ZNF217: variants seen among roughly 807,000 people sequenced by gnomAD.
The protein encoded by ZNF217 is zinc finger protein 217.
In ZNF217, 12 loss-of-function variants were observed where a neutral mutation model predicts 73.3. The observed-to-expected ratio is 0.16, with a 90% CI of 0.10 to 0.27. The LOEUF is 0.27. Ranked by LOEUF, ZNF217 falls within the 10% of genes least tolerant of loss-of-function variation. The probability of loss-of-function intolerance (pLI) is 1.00; values close to 1 mark genes in which losing one functional copy is unlikely to be tolerated. For missense variants in ZNF217, 1,195 were observed against 1,327.8 expected (o/e 0.90, Z 1.55); for synonymous variants, 588 against 516.4 (o/e 1.14, Z -1.88).
chr20:53,569,293 T>G, intron 5 of ZNF217, 29 bp from the exon 6 acceptor site: 1 of 1,277,298 alleles, frequency 7.8e-7, no homozygotes, highest in South Asian at 1.3e-5. Flanking sequence ...TTTAAATGAT[T>G]AAGATCAAAA....
rs1259355909 is a variant in ZNF217, at chr20:53,575,960, T to C, written c.2804A>G (p.Asn935Ser). The C allele has an allele frequency of 3.1e-6, 5 of 1,614,184 alleles. No individual in the cohort carries two copies. The highest frequency in any genetic ancestry group is 4.2e-6 in the Non-Finnish European group (5 of 1,180,030). Residue 935 changes from asparagine to serine, a missense_variant, in exon 4 of 6, where the codon AAT becomes AGT. By Grantham distance (46) the Asn-to-Ser change is conservative. Transcript: ENST00000371471. ...VALDVDQPGA[N>S]YRRGYDLPKY... is the part of the protein sequence containing the mutation. ...GGGAAGGTCATAGCCTCTTCTGTAA[T>C]TGGCCCCGGGCTGGTCAACGTCAAG...
chr20:53,579,750 G>A (rs1346628628), intron 2 of ZNF217, among the ~76,000 whole-genome samples: 1 of 152,206 alleles, frequency 6.6e-6, no homozygotes, highest in Non-Finnish European at 1.5e-5. Flanking sequence ...TTTACAAATA[G>A]GCTGTTGAAA....
Position 53,576,209 on chromosome 20 carries a change from T to C in ZNF217, c.2555A>G (p.Asp852Gly), listed in dbSNP as rs767679210. The C allele has an allele frequency of 6.2e-7, 1 of 1,614,250 alleles. No homozygotes were observed. ...TTTTGTCTCGGGTCTTTTTGTCTTA[T>C]CCGGTGCAGGGGAAACACTGGTTTT... is the stretch of plus-strand genomic sequence containing the variant. ...FPKTSVSPAPDKTKRPETKLK... is the reference protein window; with the variant it reads ...FPKTSVSPAPGKTKRPETKLK... The change falls in exon 4 of 6, where the codon GAT becomes GGT. Residue 852 changes from aspartate to glycine, a missense_variant. Physicochemically the swap from Asp to Gly is moderately conservative, Grantham distance 94 (BLOSUM62 -1). Transcript: ENST00000371471.
chr20:53,592,674 C>A (rs978937194), intron 1 of ZNF217, among the ~76,000 whole-genome samples: 6 of 151,860 alleles, frequency 4.0e-5, no homozygotes, highest in Non-Finnish European at 5.9e-5. Context: ...CGGGCGGGAC[C>A]GCCCAGGCAG....
At position 53,570,032 on chromosome 20, in the gene ZNF217, T is replaced by C. The variant is rs144536143; in HGVS notation, c.*24-768A>G. Among the ~76,000 whole-genome samples the C allele has an allele frequency of 2.4e-3, 360 of 152,056 alleles. 1 individual carries two copies. The highest frequency in any genetic ancestry group is 4.5e-3 in the Non-Finnish European group (303 of 67,982). On this transcript the variant is annotated intron_variant, in intron 5 of 5. Transcript: ENST00000371471. The stretch of plus-strand genomic sequence containing the variant: ...CAGAGCAGGCAGGATGTTCTCCAGA[T>C]GAAGGAAACACAAGCAGAGAAGCTC...
intron 4 of ZNF217, chr20:53,572,683 C>G (rs977641280): frequency 6.6e-6 from 1 of 152,178 alleles, no homozygotes; most frequent in Non-Finnish European, 1.5e-5. Flanking sequence ...TGTCACCACA[C>G]AGAATCCTCA....
At position 53,575,830 on chromosome 20, in the gene ZNF217, G is replaced by A. The variant is rs138549650; in HGVS notation, c.2934C>T (p.Val978=). ...GAACAGTCAGCACATTTGGAGAATC[G>A]ACCTCGCTGGAGCTCAGGAACCTTG... ...PKPRFLSSSE[V]DSPNVLTVQK... is the part of the protein sequence containing the mutation. The change falls in exon 4 of 6, where the codon GTC becomes GTT. Residue 978 remains valine, a synonymous_variant. Coordinates refer to ENST00000371471, the MANE Select transcript of ZNF217 (RefSeq NM_006526.3). 6.3e-5 allele frequency: 102 copies of A among 1,614,030 alleles called. No homozygotes were observed. The highest frequency in any genetic ancestry group is 1.0e-4 in the Admixed American group (6 of 60,010).
chr20:53,594,452 G>C (rs1425849447), upstream of ZNF217, among the ~76,000 whole-genome samples: 3 of 149,578 alleles, frequency 2.0e-5, no homozygotes, highest in Non-Finnish European at 4.5e-5. Flanking sequence ...CCCCGCCGCC[G>C]ACTCCGCCTC....
At chr20:53,570,943 T>C (rs1222277983) in intron 5 of ZNF217, among the ~76,000 whole-genome samples, 1 of 152,210 alleles carries the variant, frequency 6.6e-6, no homozygotes, top group African/African-American at 2.4e-5. Context: ...TACCTCCTAA[T>C]GCTGGGTCAC....
chr20:53,582,161 G>C lies in ZNF217; in HGVS notation c.666C>G (p.Gly222=). The C allele has an allele frequency of 6.2e-7, 1 of 1,614,146 alleles. No homozygotes were observed. Among genetic ancestry groups the C allele is most frequent in the Non-Finnish European group, 8.5e-7 (1 of 1,180,046 alleles). Residue 222 remains glycine (G), a synonymous_variant, in exon 2 of 6, where the codon GGC becomes GGG. Coordinates refer to ENST00000371471, the MANE Select transcript of ZNF217 (RefSeq NM_006526.3). The surrounding 1 kb of genome is among the most constrained non-coding windows in gnomAD (Gnocchi z 4.8). ...SSPYKICMVC[G]FLFPNKESLI... is the part of the protein sequence containing the mutation. ...GACTTTCTTTATTTGGAAATAGGAA[G>C]CCACAAACCATGCAGATTTTGTAAG...
intron 1 of ZNF217, 134 bp from the exon 2 acceptor site, chr20:53,583,302 G>C (rs1988577730): frequency 2.5e-6 from 1 of 394,044 alleles, no homozygotes; most frequent in South Asian, 1.4e-4. Context: ...CTAATATATA[G>C]GGCATCCTGT....
At chr20:53,591,002 T>C (rs774729197) in intron 1 of ZNF217, among the ~76,000 whole-genome samples, 1 of 152,178 alleles carries the variant, frequency 6.6e-6, no homozygotes, top group Non-Finnish European at 1.5e-5. Context: ...CTTAAAAAAG[T>C]AAAGGCAGTC....
At position 53,582,563 on chromosome 20, in the gene ZNF217, G is replaced by A; in HGVS notation, c.264C>T (p.His88=). The A allele has an allele frequency of 6.2e-7, 1 of 1,614,212 alleles. No individual in the cohort carries two copies. Among genetic ancestry groups the A allele is most frequent in the Non-Finnish European group, 8.5e-7 (1 of 1,180,046 alleles). ...EDLNKHVLMQ[H]RPTLCEPAVL... is the part of the protein sequence containing the mutation. ...CTGCTGGTTCACAGAGGGTAGGCCGGTGTTGCATTAAGACATGTTTATTAA... is the reference window on the plus strand; with the variant it reads ...CTGCTGGTTCACAGAGGGTAGGCCGATGTTGCATTAAGACATGTTTATTAA... The change falls in exon 2 of 6, where the codon CAC becomes CAT. Residue 88 remains histidine (H), a synonymous_variant. Coordinates refer to ENST00000371471, the MANE Select transcript of ZNF217 (RefSeq NM_006526.3). The surrounding 1 kb of genome is among the most constrained non-coding windows in gnomAD (Gnocchi z 4.8).
chr20:53,593,463 G>A (rs577303060), intron 1 of ZNF217, among the ~76,000 whole-genome samples: 8 of 145,752 alleles, frequency 5.5e-5, no homozygotes, highest in African/African-American at 2.0e-4. Flanking sequence ...CGCTCCCGGC[G>A]GAGATTCAGG....
At chr20:53,590,849 A>T (rs1171076468) in intron 1 of ZNF217, among the ~76,000 whole-genome samples, 1 of 152,242 alleles carries the variant, frequency 6.6e-6, no homozygotes. Flanking sequence ...TCATCAGTTT[A>T]TAAGTGACTT....
At chr20:53,591,576 A>T (rs1988880661) in intron 1 of ZNF217, among the ~76,000 whole-genome samples, 1 of 152,260 alleles carries the variant, frequency 6.6e-6, no homozygotes, top group Admixed American at 6.5e-5. Context: ...TTAAGAAACA[A>T]AACGAAACAC....
chr20:53,597,129 A>G (rs1294912912), upstream of ZNF217, among the ~76,000 whole-genome samples: 1 of 151,488 alleles, frequency 6.6e-6, no homozygotes, highest in African/African-American at 2.4e-5. Context: ...GATTTGCTGT[A>G]TTTAACACTT....
chr20:53,576,279 C>T lies in ZNF217; in HGVS notation c.2485G>A (p.Val829Ile), dbSNP rs564150684. The part of the protein sequence containing the change: ...KSHRPQQNVG[V>I]QGAATRQQQS... ...TGTTGCCTGGTGGCGGCCCCTTGGA[C>T]CCCCACATTCTGCTGTGGTCTGTGG... Residue 829 changes from valine (V) to isoleucine (I), a missense_variant, in exon 4 of 6, where the codon GTC (valine) becomes ATC (isoleucine). Physicochemically the swap from Val to Ile is conservative, Grantham distance 29. Transcript: ENST00000371471. 1.9e-6 allele frequency: 3 copies of T among 1,614,180 alleles called. No individual in the cohort carries two copies. Among genetic ancestry groups the T allele is most frequent in the South Asian group, 1.1e-5 (1 of 91,078 alleles).
intron 2 of ZNF217, among the ~76,000 whole-genome samples, chr20:53,579,848 TG>T (rs1246181970): frequency 6.6e-6 from 1 of 152,234 alleles, no homozygotes. Flanking sequence ...AACTCATAAT[TG>T]GTCACAAAAC....
Sources: gnomAD v4.1 joint callset for allele counts (sites outside exome capture counted in the v4.1 genomes callset) on GRCh38, gnomAD v4.1.1 for gene constraint, Gnocchi (gnomAD v3.1) non-coding constraint, MANE v1.5 for transcripts, NCBI Gene and HGNC (gene_info 2026-07-23, HGNC 2026-07-21) for gene names.